ALDH2: variants seen among roughly 807,000 people sequenced by gnomAD.
ALDH2 encodes the protein aldehyde dehydrogenase, mitochondrial.
ALDH2 carries 44 observed loss-of-function variants against 59.6 expected under a neutral mutation model. The ratio of observed to expected loss-of-function variants is 0.74; its 90% CI spans 0.58 to 0.95. The LOEUF is 0.95. Ranked by LOEUF, ALDH2 falls within the 40% of genes least tolerant of loss-of-function variation. The probability of loss-of-function intolerance (pLI) is 0.00; values close to 1 mark genes in which losing one functional copy is unlikely to be tolerated. For missense variants in ALDH2, 570 were observed against 696.3 expected (o/e 0.82, Z 2.04); for synonymous variants, 291 against 284.0 (o/e 1.02, Z -0.25).
At chr12:111,793,522 G>A (rs1008484157) in intron 9 of ALDH2, among the ~76,000 whole-genome samples, 1 of 151,592 alleles carries the variant, frequency 6.6e-6, no homozygotes, top group African/African-American at 2.4e-5. Context: ...TGGTTCATCT[G>A]TTAGTATTGA....
chr12:111,786,159 G>A (rs561470280), intron 4 of ALDH2, among the ~76,000 whole-genome samples: 3 of 152,082 alleles, frequency 2.0e-5, no homozygotes, highest in Non-Finnish European at 2.9e-5. Context: ...GTCTATCTCC[G>A]TTTCAGTCTT....
rs992686637 is a variant in ALDH2, at chr12:111,817,402, T to C, written c.*7827T>C. 1.8e-4 allele frequency: 27 copies of C among 152,192 alleles called. No homozygotes were observed. The highest frequency in any genetic ancestry group is 6.3e-4 in the African/African-American group (26 of 41,444). 9.4% of individuals were successfully genotyped at this position (152,192 alleles called of 1,614,324 possible). On this transcript the variant is annotated 3_prime_UTR_variant, in exon 13 of 13. Coordinates refer to ENST00000261733, the MANE Select transcript of ALDH2 (RefSeq NM_000690.4). ...ATTATCAAAGTAGAGACATTATGTG[T>C]TTGCAATGTGCTATGATTAATGCAG...
At chr12:111,805,575 T>C (rs2068487577) in intron 12 of ALDH2, among the ~76,000 whole-genome samples, 1 of 152,140 alleles carries the variant, frequency 6.6e-6, no homozygotes, top group Non-Finnish European at 1.5e-5. Context: ...TTCTCCTGCC[T>C]TGGTCCCAAA....
At chr12:111,768,873 A>AT (rs771965641) in intron 1 of ALDH2, among the ~76,000 whole-genome samples, 4 of 151,740 alleles carry the variant, frequency 2.6e-5, no homozygotes, top group Non-Finnish European at 5.9e-5. Flanking sequence ...AGTCCCAGCT[A>AT]TATGGGAGGC....
chr12:111,775,323 G>C (rs2068227177), intron 1 of ALDH2, among the ~76,000 whole-genome samples: 1 of 152,072 alleles, frequency 6.6e-6, no homozygotes, highest in South Asian at 2.1e-4. Flanking sequence ...GCTCTTCCTA[G>C]CAGTCACCCT....
At chr12:111,784,020 C>T (rs1291701257) in intron 3 of ALDH2, among the ~76,000 whole-genome samples, 1 of 152,226 alleles carries the variant, frequency 6.6e-6, no homozygotes, top group East Asian at 1.9e-4. Context: ...GAAGCCAGAG[C>T]AAACCTTCCA....
At chr12:111,781,010 A>G (rs796357100) in intron 1 of ALDH2, among the ~76,000 whole-genome samples, 19 of 152,140 alleles carry the variant, frequency 1.2e-4, no homozygotes, top group African/African-American at 4.6e-4. Context: ...TCAGGAGGCT[A>G]AGGCAGGAGG....
chr12:111,807,959 C>T (rs1348872317), intron 12 of ALDH2, among the ~76,000 whole-genome samples: 1 of 151,732 alleles, frequency 6.6e-6, no homozygotes, highest in Admixed American at 6.6e-5. Flanking sequence ...TCACTGCAAC[C>T]TCCGCCTCCC....
chr12:111,799,199 T>G (rs1008990965), intron 10 of ALDH2, among the ~76,000 whole-genome samples: 1 of 149,992 alleles, frequency 6.7e-6, no homozygotes, highest in African/African-American at 2.5e-5. Context: ...GGAGTCTCAC[T>G]CTGTCGCCAG....
At position 111,800,008 on chromosome 12, in the gene ALDH2, A is replaced by G; in HGVS notation, c.1351A>G (p.Lys451Glu). The change falls in exon 11 of 13, where the codon AAG (lysine) becomes GAG (glutamate). Residue 451 changes from lysine (K) to glutamate (E), a missense_variant. Transcript: ENST00000261733. ...TYGLAAAVFT[K>E]DLDKANYLSQ... ...CGGGCTGGCCGCAGCTGTCTTCACA[A>G]AGGATTTGGACAAGGCCAATTACCT... is the stretch of plus-strand genomic sequence containing the variant. 2 of 1,613,874 alleles carry G rather than the reference A, an allele frequency of 1.2e-6. No homozygotes were observed. The highest frequency in any genetic ancestry group is 1.1e-5 in the South Asian group (1 of 91,028).
chr12:111,792,211 A>C lies in ALDH2; in HGVS notation c.898+48A>C, dbSNP rs75822349. 2.8e-6 allele frequency: 4 copies of C among 1,414,986 alleles called. No homozygotes were observed. In the East Asian group the frequency reaches 6.9e-5, roughly 24 times the overall value. 87.7% of individuals were successfully genotyped at this position (1,414,986 alleles called of 1,614,324 possible). On this transcript the variant is annotated intron_variant, in intron 8 of 12. Transcript: ENST00000261733. ...CCTGGCCTTGAAGGTAGCCCTGGCC[A>C]CCTGTGTTGTGGCTCCAGCCGATCC...
chr12:111,776,718 T>C (rs2068237714), intron 1 of ALDH2, among the ~76,000 whole-genome samples: 1 of 151,928 alleles, frequency 6.6e-6, no homozygotes. Flanking sequence ...TTTTTGAGAC[T>C]CTGTTGCCCA....
chr12:111,796,989 A>C (rs2068410179), intron 9 of ALDH2, among the ~76,000 whole-genome samples: 2 of 150,134 alleles, frequency 1.3e-5, no homozygotes, highest in Non-Finnish European at 1.5e-5. Context: ...TTTGAGACGA[A>C]GTCTCTGTTG....
chr12:111,783,365 A>C (rs1254222987), intron 3 of ALDH2, 67 bp downstream of exon 3: 1 of 1,527,824 alleles, frequency 6.5e-7, no homozygotes, highest in Non-Finnish European at 8.8e-7. Flanking sequence ...TCCTGTGAAC[A>C]GCCAGGAACC....
At chr12:111,796,182 C>T (rs953832369) in intron 9 of ALDH2, among the ~76,000 whole-genome samples, 6 of 151,040 alleles carry the variant, frequency 4.0e-5, no homozygotes, top group Non-Finnish European at 8.8e-5. Context: ...ACTATTTGGG[C>T]GTGGTGGTGG....
At chr12:111,791,013 C>T (rs2068354232) in intron 6 of ALDH2, among the ~76,000 whole-genome samples, 1 of 152,170 alleles carries the variant, frequency 6.6e-6, no homozygotes, top group South Asian at 2.1e-4. Flanking sequence ...CACACCACTG[C>T]ACTCCAGCCT....
rs116090873 is a variant in ALDH2, at chr12:111,804,355, C to T, written c.1521+382C>T. On this transcript the variant is annotated intron_variant, in intron 12 of 12. Coordinates refer to ENST00000261733, the MANE Select transcript of ALDH2 (RefSeq NM_000690.4). ...CGGTCATTTGCTGGGCTTCGTTATA[C>T]GCCAAGGCCTGTAGGCCTGAGAAGA... Among the ~76,000 whole-genome samples, 964 of 152,302 alleles carry T rather than the reference C, an allele frequency of 6.3e-3. 9 individuals carry two copies. Among genetic ancestry groups the T allele is most frequent in the African/African-American group, 0.021 (890 of 41,570 alleles).
intron 5 of ALDH2, 105 bp from the exon 6 acceptor site, chr12:111,790,329 A>C: frequency 6.8e-7 from 1 of 1,469,246 alleles, no homozygotes; most frequent in Non-Finnish European, 9.4e-7. Flanking sequence ...CGCAGGGTTC[A>C]GAGAACTCGG....
chr12:111,768,691 T>G (rs1053104370), intron 1 of ALDH2, among the ~76,000 whole-genome samples: 3 of 149,178 alleles, frequency 2.0e-5, no homozygotes, highest in African/African-American at 7.5e-5. Flanking sequence ...ACTAAAAAAG[T>G]AAATTAGTTA....
Sources: allele counts gnomAD v4.1 joint callset (sites outside exome capture counted in the v4.1 genomes callset), GRCh38; gene constraint gnomAD v4.1.1; transcripts MANE v1.5; gene names NCBI Gene and HGNC (gene_info 2026-07-23, HGNC 2026-07-21).